TMEM156: variants seen among roughly 807,000 people sequenced by gnomAD.
The protein encoded by TMEM156 is transmembrane protein 156.
Under a neutral mutation model 30.5 loss-of-function variants are expected in TMEM156, and 28 were observed. That is an observed-to-expected ratio of 0.92 (90% CI 0.68 to 1.26). The LOEUF (loss-of-function observed/expected upper bound fraction) is 1.26. TMEM156 is among the 50% of genes most tolerant of loss of function. The pLI is 0.00. For missense variants in TMEM156, 351 were observed against 340.6 expected, an observed-to-expected ratio of 1.03 and a Z score of -0.24; for synonymous variants, 137 against 119.9, an observed-to-expected ratio of 1.14 and a Z score of -0.93.
chr4:38,985,916 A>G (rs868061769), intron 5 of TMEM156, among the ~76,000 whole-genome samples: 29 of 152,306 alleles, frequency 1.9e-4, no homozygotes, highest in Middle Eastern at 6.8e-3. Flanking sequence ...GGGCTTTTTA[A>G]TTGGGGCTAT....
At chr4:39,021,183 G>A (rs758982638) in intron 1 of TMEM156, among the ~76,000 whole-genome samples, 21 of 152,068 alleles carry the variant, frequency 1.4e-4, no homozygotes, top group South Asian at 6.2e-4. Context: ...CAGGAGGATC[G>A]CTTGAGCCCA....
intron 3 of TMEM156, among the ~76,000 whole-genome samples, chr4:38,992,726 T>TATATATATATAATATATATATATATA (rs1560367029): frequency 5.3e-5 from 3 of 56,174 alleles, no homozygotes; most frequent in Non-Finnish European, 7.5e-5. Context: ...ATATATATAA[T>TATATATATATAATATATATATATATA]ATATATATAA....
intron 1 of TMEM156, among the ~76,000 whole-genome samples, chr4:39,000,088 C>T (rs1713228966): frequency 1.3e-5 from 2 of 151,196 alleles, no homozygotes; most frequent in Admixed American, 1.3e-4. Context: ...ATACTGAGTT[C>T]AGAAACAAAA....
intron 1 of TMEM156, among the ~76,000 whole-genome samples, chr4:39,015,796 G>A (rs1015227464): frequency 6.6e-5 from 10 of 152,084 alleles, no homozygotes; most frequent in Non-Finnish European, 1.5e-4. Flanking sequence ...CACGGGGGCT[G>A]TTTCTCCCAT....
intron 5 of TMEM156, among the ~76,000 whole-genome samples, chr4:38,977,464 TATATG>T (rs1231718243): frequency 6.6e-6 from 1 of 152,196 alleles, no homozygotes; most frequent in Non-Finnish European, 1.5e-5. Context: ...TCATGTAACT[TATATG>T]GTAATAGCAA....
chr4:38,991,141 G>C (rs1164463005), intron 3 of TMEM156, among the ~76,000 whole-genome samples: 1 of 149,308 alleles, frequency 6.7e-6, no homozygotes, highest in African/African-American at 2.5e-5. Context: ...AGTTAAGAAG[G>C]CTTTTAAGCA....
At chr4:38,969,660 ACAGCTCACTG>A (rs915230861) in intron 6 of TMEM156, among the ~76,000 whole-genome samples, 1 of 152,176 alleles carries the variant, frequency 6.6e-6, no homozygotes, top group African/African-American at 2.4e-5. Flanking sequence ...TGGCATGAAC[ACAGCTCACTG>A]CAGCCTCAAC....
chr4:39,001,541 CTT>C (rs201858136), intron 1 of TMEM156, among the ~76,000 whole-genome samples: 5 of 144,578 alleles, frequency 3.5e-5, no homozygotes, highest in African/African-American at 7.6e-5. Flanking sequence ...ATTACTTCTT[CTT>C]TTTTTTTTTT....
intron 5 of TMEM156, among the ~76,000 whole-genome samples, chr4:38,976,289 CAAAAAAAAAAA>C (rs34271253): frequency 1.3e-5 from 1 of 74,322 alleles, no homozygotes; most frequent in Non-Finnish European, 2.5e-5. Context: ...GACTCCGTCT[CAAAAAAAAAAA>C]AAAAAAAAAA....
intron 6 of TMEM156, among the ~76,000 whole-genome samples, chr4:38,970,744 G>A (rs1722559365): frequency 6.6e-6 from 1 of 151,396 alleles, no homozygotes; most frequent in Non-Finnish European, 1.5e-5. Context: ...ACTAAGTTAT[G>A]GCTCAACTCC....
chr4:39,013,501 G>C (rs563724462), intron 1 of TMEM156, among the ~76,000 whole-genome samples: 1 of 151,770 alleles, frequency 6.6e-6, no homozygotes, highest in South Asian at 2.1e-4. Context: ...CTGGATTCAA[G>C]CGATTTCCCC....
At chr4:38,991,215 TTC>T (rs1553878698) in intron 3 of TMEM156, among the ~76,000 whole-genome samples, 3 of 148,564 alleles carry the variant, frequency 2.0e-5, no homozygotes, top group East Asian at 2.0e-4. Flanking sequence ...TCTTTTTCTT[TTC>T]TTTTCTTTTC....
chr4:38,978,485 C>T (rs979104540), intron 5 of TMEM156, among the ~76,000 whole-genome samples: 1 of 152,220 alleles, frequency 6.6e-6, no homozygotes, highest in East Asian at 1.9e-4. Flanking sequence ...GCTGAATGAT[C>T]AAAAGAATAT....
intron 2 of TMEM156, among the ~76,000 whole-genome samples, chr4:38,995,866 A>AT (rs1455022945): frequency 1.3e-5 from 2 of 152,360 alleles, no homozygotes; most frequent in African/African-American, 4.8e-5. Flanking sequence ...CAGAACACTC[A>AT]TACTGGAGCC....
intron 1 of TMEM156, among the ~76,000 whole-genome samples, chr4:38,999,726 C>G (rs557614491): frequency 6.6e-5 from 10 of 152,254 alleles, no homozygotes; most frequent in Admixed American, 3.3e-4. Context: ...GAATCTGTTC[C>G]TTGGCCCTCT....
chr4:38,989,055 A>G, intron 3 of TMEM156, 85 bp from the exon 4 acceptor site: 1 of 1,375,016 alleles, frequency 7.3e-7, no homozygotes, highest in Non-Finnish European at 1.0e-6. Flanking sequence ...GAGTTCTACA[A>G]CATATTCTGC....
At chr4:38,981,911 T>A (rs1466327948) in intron 5 of TMEM156, among the ~76,000 whole-genome samples, 1 of 152,206 alleles carries the variant, frequency 6.6e-6, no homozygotes, top group East Asian at 1.9e-4. Flanking sequence ...GTAGTCAGTA[T>A]TCAGTAAATA....
rs565629226 is a variant in TMEM156 at position 39,001,675 on chromosome 4, C to A, written c.89-2766G>T. Among the ~76,000 whole-genome samples, 133 of 150,040 alleles carry A rather than the reference C, an allele frequency of 8.9e-4. 4 individuals carry two copies. The highest frequency in any genetic ancestry group is 3.1e-3 in the African/African-American group (128 of 41,098). ...AACCAAAACAGCATGGTACTGGTAC[C>A]AAAACAGAGATATAGATCAATGGAA... On this transcript the variant is annotated intron_variant, in intron 1 of 6. Transcript: ENST00000381938.
chr4:38,979,639 A>G (rs1272009072), intron 5 of TMEM156, among the ~76,000 whole-genome samples: 1 of 152,212 alleles, frequency 6.6e-6, no homozygotes, highest in Non-Finnish European at 1.5e-5. Flanking sequence ...TCTTTTCTCC[A>G]TCACACTTTG....
Sources: allele counts gnomAD v4.1 joint callset (sites outside exome capture counted in the v4.1 genomes callset), GRCh38; gene constraint gnomAD v4.1.1; transcripts MANE v1.5; gene names NCBI Gene and HGNC (gene_info 2026-07-23, HGNC 2026-07-21).